ADGB: variants seen among roughly 807,000 people sequenced by gnomAD.
The protein encoded by ADGB is calpain-7-like protein.
A neutral mutation model predicts 210.5 loss-of-function variants in ADGB; 172 were observed. That is an observed-to-expected ratio of 0.82 (90% CI 0.72 to 0.93). The LOEUF (loss-of-function observed/expected upper bound fraction) is 0.93. ADGB is among the 40% of genes least tolerant of loss of function. The pLI is 0.00. For missense variants in ADGB, 2,025 were observed against 1,964.8 expected, an observed-to-expected ratio of 1.03 and a Z score of -0.58; for synonymous variants, 658 against 662.7, an observed-to-expected ratio of 0.99 and a Z score of 0.11.
At chr6:146,673,430 A>G (rs548502943) in intron 8 of ADGB, among the ~76,000 whole-genome samples, 2 of 152,246 alleles carry the variant, frequency 1.3e-5, no homozygotes, top group Non-Finnish European at 2.9e-5. Flanking sequence ...TCCCTAAGAA[A>G]TGCATCTTTG....
intron 33 of ADGB, among the ~76,000 whole-genome samples, chr6:146,799,069 A>AC (rs1231223871): frequency 6.6e-6 from 1 of 150,862 alleles, no homozygotes; most frequent in African/African-American, 2.4e-5. Flanking sequence ...AAAAAAAAAA[A>AC]AAAAAAAAAA....
At chr6:146,681,225 CAG>C (rs1776152892) in intron 9 of ADGB, among the ~76,000 whole-genome samples, 1 of 152,078 alleles carries the variant, frequency 6.6e-6, no homozygotes, top group Non-Finnish European at 1.5e-5. Context: ...GTCTTCATGA[CAG>C]TAAGTTCTTG....
chr6:146,653,556 T>C (rs964549309), intron 3 of ADGB, among the ~76,000 whole-genome samples: 2 of 151,952 alleles, frequency 1.3e-5, no homozygotes, highest in Admixed American at 1.3e-4. Flanking sequence ...CATCGACACA[T>C]AGAAGGGAAC....
chr6:146,731,576 A>C (rs1296255429), intron 20 of ADGB, among the ~76,000 whole-genome samples: 1 of 152,104 alleles, frequency 6.6e-6, no homozygotes, highest in Non-Finnish European at 1.5e-5. Flanking sequence ...TTACTCATTT[A>C]CCATGGAAGC....
Position 146,745,919 on chromosome 6 carries a change from T to G in ADGB, c.3178-3T>G, listed in dbSNP as rs1177794669. 1 of 1,538,310 alleles carries G rather than the reference T, an allele frequency of 6.5e-7. No homozygotes were observed. The highest frequency in any genetic ancestry group is 8.8e-7 in the Non-Finnish European group (1 of 1,139,704). On this transcript the variant is annotated splice_region_variant and splice_polypyrimidine_tract_variant and intron_variant, in intron 25 of 35. Coordinates refer to ENST00000397944, the MANE Select transcript of ADGB (RefSeq NM_024694.4). ...ATTTCTGTGTAATTTGTCTTTCTTA[T>G]AGAAGGGATACACTTTTGTGGCGGA...
chr6:146,610,023 T>C (rs1435625707), intron 1 of ADGB, among the ~76,000 whole-genome samples: 1 of 152,210 alleles, frequency 6.6e-6, no homozygotes, highest in Non-Finnish European at 1.5e-5. Context: ...TCAGGGGTTC[T>C]CTGAATTTCC....
Position 146,635,644 on chromosome 6 carries a change from CA to C in ADGB, c.237+111del, listed in dbSNP as rs372268492. The C allele has an allele frequency of 1.6e-5, 19 of 1,200,994 alleles. 2 individuals carry two copies. The African/African-American group carries it at 1.7e-4, about 11-fold the overall frequency. The allele number at this position is 1,200,994 out of a possible 1,614,324, so 74.4% of individuals were successfully genotyped here. On this transcript the variant is annotated intron_variant, in intron 2 of 35. Coordinates refer to ENST00000397944, the MANE Select transcript of ADGB (RefSeq NM_024694.4). Reference sequence around the variant, plus strand: ...TTCATTCTTCTCCATAATGTGCATTCAAAAGGGAAATTTTTTATTTTTCTAT... The same window carrying C: ...TTCATTCTTCTCCATAATGTGCATTCAAAGGGAAATTTTTTATTTTTCTAT...
intron 13 of ADGB, among the ~76,000 whole-genome samples, chr6:146,711,133 T>C (rs1472007031): frequency 6.6e-6 from 1 of 152,234 alleles, no homozygotes; most frequent in African/African-American, 2.4e-5. Context: ...TTCATAATTT[T>C]TGGTTGAAAC....
chr6:146,691,425 TATATATATATATATATAAAA>T (rs1776308624), intron 11 of ADGB, 135 bp downstream of exon 11: 1 of 71,690 alleles, frequency 1.4e-5, no homozygotes, highest in Non-Finnish European at 2.2e-5. Context: ...TATATATATA[TATATATATATATATATAAAA>T]ATATATATAT....
At chr6:146,617,857 T>C (rs1442956345) in intron 1 of ADGB, among the ~76,000 whole-genome samples, 1 of 151,996 alleles carries the variant, frequency 6.6e-6, no homozygotes, top group Non-Finnish European at 1.5e-5. Context: ...CAGTTGTTCT[T>C]TGAACAACAT....
chr6:146,754,657 G>A (rs915446227), intron 27 of ADGB, among the ~76,000 whole-genome samples: 5 of 151,632 alleles, frequency 3.3e-5, no homozygotes, highest in African/African-American at 1.2e-4. Context: ...AACATTTTTA[G>A]AATTTCTAAA....
rs1193098035 is a variant in ADGB, at chr6:146,802,850, C to A, written c.4818+839C>A. 5.0e-6 allele frequency: 8 copies of A among 1,609,708 alleles called. No homozygotes were observed. The East Asian group carries it at 1.1e-4, about 22-fold the overall frequency. On this transcript the variant is annotated intron_variant, in intron 35 of 35. Transcript: ENST00000397944. ...ATCCTTAGCTATATTACCAGTATAT[C>A]CTGGAACCAAAGTAAGATGGTTTTC...
intron 29 of ADGB, among the ~76,000 whole-genome samples, chr6:146,777,757 C>T (rs981621203): frequency 1.3e-5 from 2 of 152,174 alleles, no homozygotes; most frequent in Admixed American, 6.5e-5. Flanking sequence ...ACTTCTCTGA[C>T]AAAAGGGAAA....
At chr6:146,748,722 C>T (rs548296722) in intron 26 of ADGB, among the ~76,000 whole-genome samples, 1 of 152,236 alleles carries the variant, frequency 6.6e-6, no homozygotes, top group Admixed American at 6.5e-5. Flanking sequence ...ACTACGGGCA[C>T]ATGCCACCAT....
intron 20 of ADGB, among the ~76,000 whole-genome samples, chr6:146,730,251 A>G (rs1399655344): frequency 6.6e-6 from 1 of 152,180 alleles, no homozygotes; most frequent in Admixed American, 6.5e-5. Context: ...CTCCCAACCT[A>G]GATGACCTGT....
At chr6:146,619,457 C>A (rs755579805) in intron 1 of ADGB, among the ~76,000 whole-genome samples, 1 of 151,874 alleles carries the variant, frequency 6.6e-6, no homozygotes, top group Admixed American at 6.6e-5. Context: ...CTTTTCCCAC[C>A]CTCTTACTGT....
At chr6:146,678,560 G>T (rs966976079) in intron 9 of ADGB, among the ~76,000 whole-genome samples, 1 of 152,084 alleles carries the variant, frequency 6.6e-6, no homozygotes, top group Non-Finnish European at 1.5e-5. Flanking sequence ...TATTAGAGGT[G>T]TTGTAGTTAA....
chr6:146,762,643 T>G (rs1410125), intron 27 of ADGB, among the ~76,000 whole-genome samples: 80,075 of 151,804 alleles, frequency 0.53, 21,962 homozygotes, highest in African/African-American at 0.66. Context: ...ATTGAAAGAG[T>G]GTTGAATCTT....
At chr6:146,657,535 A>T (rs1315791599) in intron 5 of ADGB, among the ~76,000 whole-genome samples, 1 of 152,164 alleles carries the variant, frequency 6.6e-6, no homozygotes, top group African/African-American at 2.4e-5. Flanking sequence ...GGGCACTTTA[A>T]ACAGGTTCTG....
Sources: gnomAD v4.1 joint callset for allele counts (sites outside exome capture counted in the v4.1 genomes callset) on GRCh38, gnomAD v4.1.1 for gene constraint, MANE v1.5 for transcripts, NCBI Gene and HGNC (gene_info 2026-07-23, HGNC 2026-07-21) for gene names.